The following SORL1 variants were observed in gnomAD, a reference collection of about 807,000 sequenced individuals.
The protein encoded by SORL1 is sortilin-related receptor.
Under a neutral mutation model 273.7 loss-of-function variants are expected in SORL1, and 127 were observed. That is an observed-to-expected ratio of 0.46 (90% CI 0.40 to 0.54). The LOEUF (loss-of-function observed/expected upper bound fraction) is 0.54, where lower values mean the gene tolerates loss of function less well. Ranked by LOEUF, SORL1 falls within the 20% of genes least tolerant of loss-of-function variation. The pLI, the probability that SORL1 is intolerant of heterozygous loss-of-function variation, is 0.00. For missense variants in SORL1, 2,494 were observed against 2,846.1 expected, an observed-to-expected ratio of 0.88 and a Z score of 2.81; for synonymous variants, 1,031 against 1,067.4, an observed-to-expected ratio of 0.97 and a Z score of 0.66.
intron 6 of SORL1, 85 bp downstream of exon 6, chr11:121,497,134 A>G (rs1371387169): frequency 8.9e-7 from 1 of 1,127,182 alleles, no homozygotes. Context: ...GTGAGTTTGC[A>G]TACACAGGAA....
At chr11:121,485,479 G>A (rs1407166669) in intron 3 of SORL1, among the ~76,000 whole-genome samples, 1 of 152,168 alleles carries the variant, frequency 6.6e-6, no homozygotes, top group Non-Finnish European at 1.5e-5. Flanking sequence ...AATATCCAAA[G>A]CATTGAGTCA....
At chr11:121,455,220 A>G (rs914251459) in intron 1 of SORL1, among the ~76,000 whole-genome samples, 1 of 152,182 alleles carries the variant, frequency 6.6e-6, no homozygotes, top group African/African-American at 2.4e-5. Flanking sequence ...ACCAGGAAAC[A>G]TGGTCACAAG....
chr11:121,561,636 C>T (rs932965405), intron 21 of SORL1, among the ~76,000 whole-genome samples: 8 of 149,454 alleles, frequency 5.4e-5, no homozygotes, highest in African/African-American at 2.0e-4. Context: ...CTGCAGTTAG[C>T]CAAGGTCGTG....
chr11:121,491,861 A>G (rs957686557), intron 5 of SORL1, among the ~76,000 whole-genome samples: 11 of 152,120 alleles, frequency 7.2e-5, no homozygotes, highest in African/African-American at 2.4e-4. Context: ...TGAACCCTTT[A>G]ATGCTTCATC....
intron 45 of SORL1, among the ~76,000 whole-genome samples, chr11:121,623,718 C>G (rs1863755584): frequency 6.6e-6 from 1 of 152,186 alleles, no homozygotes; most frequent in African/African-American, 2.4e-5. Flanking sequence ...ATTAGGGGAT[C>G]CTTCCTGGGT....
intron 7 of SORL1, among the ~76,000 whole-genome samples, chr11:121,513,475 G>T (rs2063467827): frequency 6.6e-6 from 1 of 152,196 alleles, no homozygotes; most frequent in South Asian, 2.1e-4. Context: ...GCAGAGGATA[G>T]GATTTGGGTC....
chr11:121,633,016 T>C lies in SORL1; in HGVS notation c.*3453T>C, dbSNP rs1321383647. On this transcript the variant is annotated 3_prime_UTR_variant, in exon 48 of 48. Transcript: ENST00000260197. ...TGTTGGGATTGTATCTTGACATTCC[T>C]GTTGTGTTATTTTTCTTAACTGGAG... 3 of 152,234 alleles carry C rather than the reference T, an allele frequency of 2.0e-5. No individual in the cohort carries two copies. The highest frequency in any genetic ancestry group is 1.3e-4 in the Admixed American group (2 of 15,284). The allele number at this position is 152,234 out of a possible 1,614,324, so 9.4% of individuals were successfully genotyped here.
At chr11:121,578,130 T>C (rs1862963691) in intron 25 of SORL1, among the ~76,000 whole-genome samples, 1 of 152,318 alleles carries the variant, frequency 6.6e-6, no homozygotes, top group South Asian at 2.1e-4. Flanking sequence ...ATTTTATTAC[T>C]CATTGAGTAA....
intron 8 of SORL1, 140 bp downstream of exon 8, chr11:121,514,461 TG>T: frequency 1.3e-6 from 1 of 786,398 alleles, no homozygotes; most frequent in Non-Finnish European, 2.0e-6. Flanking sequence ...CTGGCTCACG[TG>T]CGCAGAGATC....
intron 21 of SORL1, 108 bp from the exon 22 acceptor site, chr11:121,566,832 G>T (rs1224272178): frequency 2.8e-6 from 3 of 1,082,808 alleles, no homozygotes; most frequent in Non-Finnish European, 3.9e-6. Flanking sequence ...AGAGCTTCTC[G>T]CTGTCCTTTC....
chr11:121,604,622 G>A (rs927034270), intron 33 of SORL1, among the ~76,000 whole-genome samples: 2 of 151,982 alleles, frequency 1.3e-5, no homozygotes, highest in Non-Finnish European at 2.9e-5. Context: ...CAATCTGCTG[G>A]TGGGATTAAC....
At chr11:121,573,569 C>CG (rs1256187375) in intron 23 of SORL1, among the ~76,000 whole-genome samples, 3 of 152,124 alleles carry the variant, frequency 2.0e-5, no homozygotes, top group African/African-American at 7.2e-5. Context: ...GCCGAGATTG[C>CG]GCCACTGCAC....
chr11:121,518,385 G>T (rs556972001), intron 8 of SORL1, among the ~76,000 whole-genome samples: 1 of 152,186 alleles, frequency 6.6e-6, no homozygotes, highest in East Asian at 1.9e-4. Flanking sequence ...GAAAGGATGG[G>T]CTGGGACTTC....
intron 2 of SORL1, among the ~76,000 whole-genome samples, chr11:121,473,408 C>T (rs534033568): frequency 1.2e-4 from 19 of 152,314 alleles, no homozygotes; most frequent in Admixed American, 3.9e-4. Context: ...ATGAAGAGAA[C>T]GGCTCCTGCA....
intron 5 of SORL1, among the ~76,000 whole-genome samples, chr11:121,492,081 C>T (rs1565313831): frequency 6.6e-6 from 1 of 152,126 alleles, no homozygotes; most frequent in South Asian, 2.1e-4. Context: ...TTGCACCTGG[C>T]CAAGTGCGGT....
At position 121,517,893 on chromosome 11, in the gene SORL1, G is replaced by T. The variant is rs559051836; in HGVS notation, c.1212-2764G>T. On this transcript the variant is annotated intron_variant, in intron 8 of 47. Coordinates refer to ENST00000260197, the MANE Select transcript of SORL1 (RefSeq NM_003105.6). ...GGATAAAGGTGAATTAGCACATCGTGTGGGCAGGCTGGTTTAGAGTAAACT... is the reference window on the plus strand; with the variant it reads ...GGATAAAGGTGAATTAGCACATCGTTTGGGCAGGCTGGTTTAGAGTAAACT... 2.2e-4 allele frequency among the ~76,000 whole-genome samples: 34 copies of T among 152,374 alleles called. 2 individuals are homozygous for T. The South Asian group carries it at 6.6e-3, about 30-fold the overall frequency.
chr11:121,600,856 T>C (rs969451412), intron 32 of SORL1, among the ~76,000 whole-genome samples: 2 of 152,156 alleles, frequency 1.3e-5, no homozygotes, highest in African/African-American at 4.8e-5. Context: ...TAATGACAAC[T>C]TTATTCCCAG....
At chr11:121,518,141 G>A (rs1040084766) in intron 8 of SORL1, among the ~76,000 whole-genome samples, 3 of 152,198 alleles carry the variant, frequency 2.0e-5, no homozygotes, top group African/African-American at 7.2e-5. Context: ...GGTCACCTTA[G>A]GGAGGGGCAT....
intron 12 of SORL1, among the ~76,000 whole-genome samples, chr11:121,539,663 T>TTA (rs1361419041): frequency 4.6e-5 from 7 of 152,186 alleles, no homozygotes; most frequent in Middle Eastern, 6.8e-3. Context: ...TTCAAAGATT[T>TTA]TTTTCTTTTT....
Sources: allele counts gnomAD v4.1 joint callset (sites outside exome capture counted in the v4.1 genomes callset), GRCh38; gene constraint gnomAD v4.1.1; transcripts MANE v1.5; gene names NCBI Gene and HGNC (gene_info 2026-07-23, HGNC 2026-07-21).